The following TMTC2 variants were observed in gnomAD, a reference collection of about 807,000 sequenced individuals.
TMTC2 encodes the protein protein O-mannosyl-transferase TMTC2.
TMTC2 carries 43 observed loss-of-function variants against 82.4 expected under a neutral mutation model. The observed-to-expected ratio is 0.52, with a 90% confidence interval of 0.41 to 0.67. The LOEUF (loss-of-function observed/expected upper bound fraction) is 0.67. Ranked by LOEUF, TMTC2 falls within the 30% of genes least tolerant of loss-of-function variation. TMTC2 has a pLI of 0.00. For synonymous variants in TMTC2, 408 were observed against 381.9 expected, an observed-to-expected ratio of 1.07 and a Z score of -0.80; for missense variants, 919 against 1,012.4, an observed-to-expected ratio of 0.91 and a Z score of 1.25.
intron 8 of TMTC2, among the ~76,000 whole-genome samples, chr12:82,986,932 A>G (rs1208388268): frequency 2.0e-5 from 3 of 152,210 alleles, no homozygotes; most frequent in African/African-American, 7.2e-5. Flanking sequence ...TGAATCAAAT[A>G]TCTGTATTAT....
chr12:83,086,717 C>A (rs144866632), intron 11 of TMTC2, among the ~76,000 whole-genome samples: 15 of 152,198 alleles, frequency 9.9e-5, no homozygotes, highest in Admixed American at 3.3e-4. Context: ...ACCATACAGT[C>A]ATCTATTAAG....
At chr12:83,053,167 T>A (rs1460447573) in intron 10 of TMTC2, among the ~76,000 whole-genome samples, 1 of 152,138 alleles carries the variant, frequency 6.6e-6, no homozygotes, top group Non-Finnish European at 1.5e-5. Context: ...TGGTCAGTTA[T>A]CAAAATTTTG....
chr12:83,004,901 G>C (rs12425661), intron 8 of TMTC2, among the ~76,000 whole-genome samples: 1 of 151,458 alleles, frequency 6.6e-6, no homozygotes, highest in East Asian at 1.9e-4. Context: ...AAGGCAGGCA[G>C]ATCAATTTGG....
chr12:83,017,262 A>G (rs1266728075), intron 8 of TMTC2, among the ~76,000 whole-genome samples: 2 of 152,230 alleles, frequency 1.3e-5, no homozygotes, highest in Non-Finnish European at 1.5e-5. Flanking sequence ...TGACTCATCT[A>G]ATTGTGAATT....
At chr12:82,727,844 CAAAAAAAAAAAAA>C (rs58681807) in intron 1 of TMTC2, among the ~76,000 whole-genome samples, 128,936 of 148,748 alleles carry the variant, frequency 0.87, 55,626 homozygotes, top group Non-Finnish European at 0.89. Context: ...TAAGAAAGGC[CAAAAAAAAAAAAA>C]AAAAAAAAGA....
chr12:82,917,914 T>A (rs1875112080), intron 3 of TMTC2, among the ~76,000 whole-genome samples: 1 of 151,546 alleles, frequency 6.6e-6, no homozygotes, highest in Non-Finnish European at 1.5e-5. Flanking sequence ...TTTTATTTTT[T>A]TGAGACAGGG....
At chr12:82,862,443 A>C (rs1283037431) in intron 2 of TMTC2, among the ~76,000 whole-genome samples, 2 of 152,356 alleles carry the variant, frequency 1.3e-5, no homozygotes, top group East Asian at 3.9e-4. Flanking sequence ...CTGAAAGTCA[A>C]TGTAGCAATA....
At chr12:82,777,220 G>C (rs1471523227) in intron 1 of TMTC2, among the ~76,000 whole-genome samples, 2 of 152,034 alleles carry the variant, frequency 1.3e-5, no homozygotes, top group Non-Finnish European at 2.9e-5. Flanking sequence ...AGAGTGAAAG[G>C]GGGCAGATTT....
chr12:83,121,798 A>G (rs1394486265), intron 11 of TMTC2, among the ~76,000 whole-genome samples: 1 of 152,026 alleles, frequency 6.6e-6, no homozygotes, highest in Non-Finnish European at 1.5e-5. Context: ...GGCGTGTCTG[A>G]GCTCACTCTC....
At chr12:82,873,835 A>G (rs1872339350) in intron 2 of TMTC2, among the ~76,000 whole-genome samples, 4 of 152,184 alleles carry the variant, frequency 2.6e-5, no homozygotes, top group Non-Finnish European at 5.9e-5. Context: ...AAAAGGAATC[A>G]TTTTCAGACA....
chr12:82,897,435 G>C (rs1349038828), intron 3 of TMTC2, among the ~76,000 whole-genome samples: 2 of 152,196 alleles, frequency 1.3e-5, no homozygotes, highest in Non-Finnish European at 2.9e-5. Context: ...TGTATTGGAA[G>C]CTAGAGGACA....
chr12:83,132,331 A>G lies in TMTC2; in HGVS notation c.2453A>G (p.Asn818Ser), dbSNP rs1885284204. ...LKPDDVITQS[N>S]LRKLWNIMEK... ...CCAGACGATGTCATCACACAGTCCA[A>G]TCTCCGCAAACTGTGGAACATCATG... Residue 818 changes from asparagine (N) to serine (S), a missense_variant, in exon 12 of 12, where the codon AAT becomes AGT. Physicochemically the swap from Asn to Ser is conservative, Grantham distance 46. Transcript: ENST00000321196. The G allele has an allele frequency of 6.2e-7, 1 of 1,614,100 alleles. No homozygotes were observed. Among genetic ancestry groups the G allele is most frequent in the Non-Finnish European group, 8.5e-7 (1 of 1,179,990 alleles).
rs568016499 is a variant in TMTC2, at chr12:82,872,112, G to A, written c.654+14532G>A. Among the ~76,000 whole-genome samples the A allele has an allele frequency of 2.7e-5, 4 of 149,330 alleles. No homozygotes were observed. The South Asian group carries it at 8.5e-4, about 32-fold the overall frequency. On this transcript the variant is annotated intron_variant, in intron 2 of 11. Transcript: ENST00000321196. ...GAATATTAGAGGAGTGATACTGATGGATGTGTGAGTGTGTCTAGGCTCTAA... is the reference window on the plus strand; with the variant it reads ...GAATATTAGAGGAGTGATACTGATGAATGTGTGAGTGTGTCTAGGCTCTAA...
intron 1 of TMTC2, among the ~76,000 whole-genome samples, chr12:82,734,218 C>T (rs1317277424): frequency 6.6e-6 from 1 of 152,140 alleles, no homozygotes; most frequent in African/African-American, 2.4e-5. Context: ...AAAAAATTAC[C>T]ACAAGAGCGA....
At chr12:83,051,299 TC>T (rs1238039306) in intron 10 of TMTC2, among the ~76,000 whole-genome samples, 1 of 152,090 alleles carries the variant, frequency 6.6e-6, no homozygotes, top group Non-Finnish European at 1.5e-5. Flanking sequence ...GCTTTTTCTT[TC>T]TTTTTTTTTT....
chr12:83,020,202 C>T (rs868809654), intron 8 of TMTC2, among the ~76,000 whole-genome samples: 13 of 152,122 alleles, frequency 8.5e-5, no homozygotes, highest in Non-Finnish European at 1.5e-4. Flanking sequence ...TTTCGTGCTT[C>T]GTTAGGGCAG....
At chr12:83,025,512 G>C (rs11115543) in intron 8 of TMTC2, among the ~76,000 whole-genome samples, 89,956 of 151,904 alleles carry the variant, frequency 0.59, 27,162 homozygotes, top group South Asian at 0.73. Context: ...CGGGAATTCC[G>C]CACAAACCAA....
chr12:82,705,848 G>A (rs1873327161), intron 1 of TMTC2, among the ~76,000 whole-genome samples: 1 of 152,136 alleles, frequency 6.6e-6, no homozygotes, highest in Admixed American at 6.5e-5. Context: ...TTAGGGTCTG[G>A]TAGGGAGACA....
chr12:82,921,038 A>G (rs1263642810), intron 3 of TMTC2, among the ~76,000 whole-genome samples: 1 of 152,170 alleles, frequency 6.6e-6, no homozygotes, highest in Non-Finnish European at 1.5e-5. Context: ...TCTGAAAAAT[A>G]TATTATGAAA....
Sources: allele counts gnomAD v4.1 joint callset (sites outside exome capture counted in the v4.1 genomes callset), GRCh38; gene constraint gnomAD v4.1.1; transcripts MANE v1.5; gene names NCBI Gene and HGNC (gene_info 2026-07-23, HGNC 2026-07-21).